CNTN6: variants seen among roughly 807,000 people sequenced by gnomAD.
CNTN6 encodes contactin 6, also known as contactin-6.
Under a neutral mutation model 122.8 loss-of-function variants are expected in CNTN6, and 137 were observed. The ratio of observed to expected loss-of-function variants is 1.12; its 90% CI spans 0.97 to 1.29. CNTN6 has a LOEUF of 1.29. CNTN6 is among the 50% of genes most tolerant of loss of function. CNTN6 has a pLI of 0.00. For synonymous variants in CNTN6, 570 were observed against 426.0 expected, an observed-to-expected ratio of 1.34 and a Z score of -4.16; for missense variants, 1,634 against 1,223.4, an observed-to-expected ratio of 1.34 and a Z score of -5.01.
At chr3:1,222,512 G>T (rs73816591) in intron 3 of CNTN6, among the ~76,000 whole-genome samples, 13,985 of 152,054 alleles carry the variant, frequency 0.092, 1,450 homozygotes, top group East Asian at 0.45. Flanking sequence ...GCTTTTAACA[G>T]TTAGAAGGAT....
chr3:1,389,790 AC>A (rs1260558362), intron 20 of CNTN6, among the ~76,000 whole-genome samples: 1 of 150,760 alleles, frequency 6.6e-6, no homozygotes, highest in Non-Finnish European at 1.5e-5. Flanking sequence ...CTTTAAACCA[AC>A]AAAGATCAAA....
chr3:1,308,755 T>G (rs1319377706), intron 7 of CNTN6, among the ~76,000 whole-genome samples: 1 of 151,938 alleles, frequency 6.6e-6, no homozygotes, highest in Non-Finnish European at 1.5e-5. Flanking sequence ...AAATTAGAAT[T>G]TTGATTTCTC....
At chr3:1,345,426 T>C (rs1704539783) in intron 11 of CNTN6, among the ~76,000 whole-genome samples, 1 of 152,152 alleles carries the variant, frequency 6.6e-6, no homozygotes, top group African/African-American at 2.4e-5. Flanking sequence ...ATACAATTAC[T>C]TATAATTAAA....
intron 4 of CNTN6, among the ~76,000 whole-genome samples, chr3:1,251,109 C>T (rs1040529172): frequency 6.6e-6 from 1 of 152,176 alleles, no homozygotes; most frequent in Non-Finnish European, 1.5e-5. Flanking sequence ...TTGGCCATTT[C>T]AGCCTTTGGT....
At chr3:1,292,196 C>G (rs984269773) in intron 5 of CNTN6, among the ~76,000 whole-genome samples, 4 of 152,128 alleles carry the variant, frequency 2.6e-5, no homozygotes, top group Admixed American at 1.3e-4. Flanking sequence ...CCAGCAGCCA[C>G]GAGTCCTACT....
intron 20 of CNTN6, among the ~76,000 whole-genome samples, chr3:1,393,585 T>C (rs958223291): frequency 6.8e-6 from 1 of 147,270 alleles, no homozygotes; most frequent in Non-Finnish European, 1.5e-5. Flanking sequence ...GAAACTCTTG[T>C]GTGTAATTCA....
chr3:1,311,353 ATATG>A (rs1330534461), intron 7 of CNTN6, among the ~76,000 whole-genome samples: 1 of 133,570 alleles, frequency 7.5e-6, no homozygotes, highest in East Asian at 2.3e-4. Context: ...AAATGTCTTT[ATATG>A]TACATATATG....
rs755646682 is a variant in CNTN6 at position 1,385,666 on chromosome 3, G to A, written c.2573G>A (p.Ser858Asn). 4 of 1,614,058 alleles carry A rather than the reference G, an allele frequency of 2.5e-6. No homozygotes were observed. The highest frequency in any genetic ancestry group is 3.4e-6 in the Non-Finnish European group (4 of 1,179,936). The change falls in exon 20 of 23, where the codon AGT becomes AAT. Residue 858 changes from serine (S) to asparagine (N), a missense_variant. By Grantham distance (46) the Ser-to-Asn change is conservative. Coordinates refer to ENST00000446702, the MANE Select transcript of CNTN6 (RefSeq NM_001289080.2). ...KESMIGKIRV[S>N]GNVTTKNITG... ...TCCATGATAGGTAAAATTAGAGTCAGTGGAAATGTCACAACCAAAAACATC... is the reference window on the plus strand; with the variant it reads ...TCCATGATAGGTAAAATTAGAGTCAATGGAAATGTCACAACCAAAAACATC...
intron 2 of CNTN6, among the ~76,000 whole-genome samples, chr3:1,184,711 AT>A (rs1181281969): frequency 6.6e-6 from 1 of 152,174 alleles, no homozygotes; most frequent in African/African-American, 2.4e-5. Context: ...CTGAAAATTA[AT>A]AATAACTATT....
chr3:1,211,849 G>T (rs947025152), intron 2 of CNTN6, among the ~76,000 whole-genome samples: 2 of 152,112 alleles, frequency 1.3e-5, no homozygotes, highest in Non-Finnish European at 2.9e-5. Flanking sequence ...AGCCCAAGAA[G>T]AACATATTCA....
At chr3:1,202,573 A>C (rs1206526456) in intron 2 of CNTN6, among the ~76,000 whole-genome samples, 2 of 125,690 alleles carry the variant, frequency 1.6e-5, no homozygotes, top group East Asian at 4.5e-4. Flanking sequence ...TAAATAAATA[A>C]ATAAATAAAT....
chr3:1,258,838 T>G (rs920940335), intron 4 of CNTN6, among the ~76,000 whole-genome samples: 3 of 152,122 alleles, frequency 2.0e-5, no homozygotes, highest in Admixed American at 6.6e-5. Flanking sequence ...TGTCATAGAT[T>G]AGCCAAGCAT....
At chr3:1,291,312 A>G (rs1300322476) in intron 5 of CNTN6, among the ~76,000 whole-genome samples, 1 of 152,196 alleles carries the variant, frequency 6.6e-6, no homozygotes, top group African/African-American at 2.4e-5. Flanking sequence ...ACTATTAAAG[A>G]AGGACACACC....
intron 1 of CNTN6, among the ~76,000 whole-genome samples, chr3:1,127,218 T>C (rs1278172344): frequency 6.6e-6 from 1 of 151,758 alleles, no homozygotes; most frequent in African/African-American, 2.4e-5. Flanking sequence ...AAAGACACAT[T>C]CTAGCACAGT....
At chr3:1,345,750 G>A (rs1019989699) in intron 11 of CNTN6, among the ~76,000 whole-genome samples, 1 of 152,008 alleles carries the variant, frequency 6.6e-6, no homozygotes, top group African/African-American at 2.4e-5. Flanking sequence ...CTTAAATTGT[G>A]AACAGGAAGA....
intron 1 of CNTN6, among the ~76,000 whole-genome samples, chr3:1,104,804 CT>C (rs2091139517): frequency 6.6e-6 from 1 of 151,996 alleles, no homozygotes; most frequent in Non-Finnish European, 1.5e-5. Context: ...TGCATATGTT[CT>C]GCTTTATAGC....
At chr3:1,247,898 G>A (rs1350591404) in intron 4 of CNTN6, among the ~76,000 whole-genome samples, 1 of 152,054 alleles carries the variant, frequency 6.6e-6, no homozygotes, top group Non-Finnish European at 1.5e-5. Context: ...TACCACTATA[G>A]CCAATGTCAC....
At chr3:1,272,454 C>G (rs1468220417) in intron 4 of CNTN6, among the ~76,000 whole-genome samples, 1 of 152,018 alleles carries the variant, frequency 6.6e-6, no homozygotes, top group Non-Finnish European at 1.5e-5. Flanking sequence ...AATGGCTATT[C>G]TCCATATATT....
intron 1 of CNTN6, among the ~76,000 whole-genome samples, chr3:1,123,633 T>C (rs1310407412): frequency 6.6e-6 from 1 of 151,978 alleles, no homozygotes; most frequent in Non-Finnish European, 1.5e-5. Context: ...CAAATGGACA[T>C]GGTTTTGTTA....
Sources: gnomAD v4.1 joint callset for allele counts (sites outside exome capture counted in the v4.1 genomes callset) on GRCh38, gnomAD v4.1.1 for gene constraint, MANE v1.5 for transcripts, NCBI Gene and HGNC (gene_info 2026-07-23, HGNC 2026-07-21) for gene names.